RLN2: variants seen among roughly 807,000 people sequenced by gnomAD.
The protein encoded by RLN2 is prorelaxin H2.
RLN2 carries 10 observed loss-of-function variants against 7.3 expected under a neutral mutation model. The ratio of observed to expected loss-of-function variants is 1.36; its 90% CI spans 0.84 to 2.31. The LOEUF (loss-of-function observed/expected upper bound fraction) is 2.31, where lower values mean the gene tolerates loss of function less well. Ranked by LOEUF, RLN2 falls within the 30% of genes most tolerant of loss-of-function variation. RLN2 has a pLI of 0.00. For synonymous variants in RLN2, 103 were observed against 82.3 expected, an observed-to-expected ratio of 1.25 and a Z score of -1.36; for missense variants, 298 against 217.6, an observed-to-expected ratio of 1.37 and a Z score of -2.32.
the RLN2 span, among the ~76,000 whole-genome samples, chr9:5,333,777 A>T: frequency 6.6e-6 from 1 of 151,938 alleles, no homozygotes; most frequent in Admixed American, 6.6e-5. Flanking sequence ...CTCAATAAAC[A>T]CTGGCAAGCA....
chr9:5,321,473 T>C, the RLN2 span, among the ~76,000 whole-genome samples: 1 of 152,074 alleles, frequency 6.6e-6, no homozygotes, highest in African/African-American at 2.4e-5. Flanking sequence ...TTAGATACTG[T>C]CTGTCATTTT....
chr9:5,329,880 G>A, the RLN2 span, among the ~76,000 whole-genome samples: 1 of 151,932 alleles, frequency 6.6e-6, no homozygotes, highest in Non-Finnish European at 1.5e-5. Flanking sequence ...GGATATCCAG[G>A]ACTTGAACTC....
chr9:5,331,787 G>C, the RLN2 span, among the ~76,000 whole-genome samples: 4 of 151,952 alleles, frequency 2.6e-5, no homozygotes, highest in Non-Finnish European at 5.9e-5. Context: ...TGCACGTTGT[G>C]CACATGTACC....
the RLN2 span, among the ~76,000 whole-genome samples, chr9:5,316,069 G>T: frequency 1.1e-4 from 17 of 151,998 alleles, no homozygotes; most frequent in East Asian, 3.3e-3. Context: ...ATATTATTAT[G>T]GTTCTCTGTT....
the RLN2 span, among the ~76,000 whole-genome samples, chr9:5,337,344 A>C: frequency 2.6e-5 from 4 of 152,182 alleles, no homozygotes; most frequent in African/African-American, 9.6e-5. Context: ...ACTTTTATTA[A>C]AATTATATTT....
At chr9:5,328,922 C>T in the RLN2 span, among the ~76,000 whole-genome samples, 1 of 151,992 alleles carries the variant, frequency 6.6e-6, no homozygotes. Flanking sequence ...TACGAGATTT[C>T]CTGAAGGAAG....
At chr9:5,323,809 G>A in the RLN2 span, among the ~76,000 whole-genome samples, 160 of 152,076 alleles carry the variant, frequency 1.1e-3, 1 homozygote, top group African/African-American at 3.5e-3. Flanking sequence ...AATTTGGGAG[G>A]CCGAGGTGGA....
the RLN2 span, among the ~76,000 whole-genome samples, chr9:5,329,698 A>C: frequency 6.6e-6 from 1 of 151,996 alleles, no homozygotes; most frequent in African/African-American, 2.4e-5. Context: ...TCAATTCACC[A>C]AGAAGAGCTC....
chr9:5,316,400 A>T, the RLN2 span, among the ~76,000 whole-genome samples: 1 of 151,688 alleles, frequency 6.6e-6, no homozygotes, highest in African/African-American at 2.4e-5. Flanking sequence ...CATCAACCCG[A>T]TATCTACATT....
the RLN2 span, chr9:5,335,339 G>T: frequency 6.2e-7 from 1 of 1,612,468 alleles, no homozygotes; most frequent in Non-Finnish European, 8.5e-7. Context: ...CTTTTTTTGA[G>T]AATGAGTATC....
chr9:5,309,086 C>T (rs1287919663), upstream of RLN2, among the ~76,000 whole-genome samples: 3 of 152,128 alleles, frequency 2.0e-5, no homozygotes, highest in East Asian at 1.9e-4. Context: ...TGGCCATGTG[C>T]GTAATCCTAA....
chr9:5,312,361 G>A, the RLN2 span, among the ~76,000 whole-genome samples: 8 of 152,068 alleles, frequency 5.3e-5, no homozygotes, highest in East Asian at 3.9e-4. Flanking sequence ...GGACTTTCCA[G>A]TGATGCCACT....
chr9:5,313,491 T>C, the RLN2 span, among the ~76,000 whole-genome samples: 3 of 152,004 alleles, frequency 2.0e-5, no homozygotes, highest in African/African-American at 4.8e-5. Flanking sequence ...GCAGAGAGCA[T>C]AGAGTTGGGT....
In RLN2 at chr9:5,304,413, A is replaced by C. The variant is rs1434180770; in HGVS notation, c.168T>G (p.Ser56=). The C allele has an allele frequency of 2.5e-5, 41 of 1,610,428 alleles. No individual in the cohort carries two copies. The highest frequency in any genetic ancestry group is 3.2e-5 in the Non-Finnish European group (38 of 1,178,876). The change falls in exon 1 of 2, where the codon TCT becomes TCG. Residue 56 remains serine, a synonymous_variant. Coordinates refer to ENST00000381627, the MANE Select transcript of RLN2 (RefSeq NM_134441.3). ...TCTGAGGAGCATCTTCCTGGCTCAG[A>C]GACCTTTTGCTCCAGGTGCTCATGC... The part of the protein sequence containing the change: ...ICGMSTWSKR[S]LSQEDAPQTP...
chr9:5,334,640 T>G, the RLN2 span, among the ~76,000 whole-genome samples: 11 of 152,146 alleles, frequency 7.2e-5, no homozygotes, highest in East Asian at 2.1e-3. Context: ...CCTTAAAAAG[T>G]AACTTAAGTT....
Position 5,299,982 on chromosome 9 carries a change from A to G in RLN2, c.*116T>C, listed in dbSNP as rs1827121777. 3.3e-6 allele frequency: 2 copies of G among 612,826 alleles called. No individual in the cohort carries two copies. The highest frequency in any genetic ancestry group is 6.9e-5 in the Admixed American group (2 of 28,820). 38.0% of individuals were successfully genotyped at this position (612,826 alleles called of 1,614,324 possible). ...ATTCTAAGAATTGATGGGACCTAAT[A>G]TCTAACAAAGATTCTTAGATATTCT... On this transcript the variant is annotated 3_prime_UTR_variant, in exon 2 of 2. Transcript: ENST00000381627.
upstream of RLN2, among the ~76,000 whole-genome samples, chr9:5,306,714 T>C (rs1816258335): frequency 1.3e-5 from 2 of 152,118 alleles, no homozygotes; most frequent in African/African-American, 2.4e-5. Context: ...CCATGTCTAC[T>C]GGATTCCAAC....
the RLN2 span, among the ~76,000 whole-genome samples, chr9:5,327,086 C>G: frequency 2.0e-5 from 3 of 152,008 alleles, no homozygotes; most frequent in East Asian, 5.8e-4. Context: ...TGAAGCAGGG[C>G]GAGGTGTCAC....
chr9:5,304,519 C>A lies in RLN2; in HGVS notation c.62G>T (p.Arg21Ile). 1 of 1,613,902 alleles carries A rather than the reference C, an allele frequency of 6.2e-7. No individual in the cohort carries two copies. Among genetic ancestry groups the A allele is most frequent in the Non-Finnish European group, 8.5e-7 (1 of 1,179,956 alleles). ...GVCLLLNQFSRAVADSWMEEV... is the reference protein window; with the variant it reads ...GVCLLLNQFSIAVADSWMEEV... ...CTCCATCCATGAGTCCGCGACTGCT[C>A]TGGAAAATTGGTTCAGTAGTAAACA... Residue 21 changes from arginine (R) to isoleucine (I), a missense_variant, in exon 1 of 2, where the codon AGA (arginine) becomes ATA (isoleucine). Transcript: ENST00000381627.
Sources: gnomAD v4.1 joint callset for allele counts (sites outside exome capture counted in the v4.1 genomes callset) on GRCh38, gnomAD v4.1.1 for gene constraint, MANE v1.5 for transcripts, NCBI Gene and HGNC (gene_info 2026-07-23, HGNC 2026-07-21) for gene names.